The following NFATC3 variants were observed in gnomAD, a reference collection of about 807,000 sequenced individuals.
NFATC3 encodes nuclear factor of activated T cells 3, also known as nuclear factor of activated T-cells, cytoplasmic 3.
NFATC3 carries 46 observed loss-of-function variants against 98.6 expected under a neutral mutation model. That is an observed-to-expected ratio of 0.47 (90% CI 0.37 to 0.60). The LOEUF is 0.60. Ranked by LOEUF, NFATC3 falls within the 20% of genes least tolerant of loss-of-function variation. NFATC3 has a pLI of 0.00. For synonymous variants in NFATC3, 512 were observed against 472.2 expected (o/e 1.08, Z -1.09); for missense variants, 1,256 against 1,295.5 (o/e 0.97, Z 0.47).
chr16:68,185,862 C>CAAAAAAAAAAAA (rs764335192), intron 8 of NFATC3, among the ~76,000 whole-genome samples: 1 of 49,358 alleles, frequency 2.0e-5, no homozygotes, highest in African/African-American at 6.6e-5. Context: ...GACTCCGTCT[C>CAAAAAAAAAAAA]AAAAAAAAAA....
At chr16:68,160,810 A>G (rs558134565) in intron 4 of NFATC3, among the ~76,000 whole-genome samples, 1 of 152,028 alleles carries the variant, frequency 6.6e-6, no homozygotes, top group African/African-American at 2.4e-5. Flanking sequence ...TCAGCCACCC[A>G]AGTAGCTGAG....
chr16:68,086,742 T>C lies in NFATC3; in HGVS notation c.103+958T>C, dbSNP rs190306935. 1.7e-3 allele frequency: 1,677 copies of C among 985,474 alleles called. 2 individuals carry two copies. Among genetic ancestry groups the C allele is most frequent in the Non-Finnish European group, 1.7e-3 (1,449 of 829,938 alleles). 61.0% of individuals were successfully genotyped at this position (985,474 alleles called of 1,614,324 possible). On this transcript the variant is annotated intron_variant, in intron 1 of 9. Coordinates refer to ENST00000346183, the MANE Select transcript of NFATC3 (RefSeq NM_173165.3). ...ATGTTTGATGTTCAGTAGACTGTTC[T>C]GTAGAGTTGCATTGAAAAAACATAC...
chr16:68,192,663 A>G (rs1464834562), intron 9 of NFATC3, among the ~76,000 whole-genome samples: 1 of 152,078 alleles, frequency 6.6e-6, no homozygotes, highest in Non-Finnish European at 1.5e-5. Context: ...CTTCAAGACC[A>G]GCCTGAGCAA....
intron 5 of NFATC3, among the ~76,000 whole-genome samples, chr16:68,168,413 T>C (rs1244122839): frequency 6.6e-6 from 1 of 150,716 alleles, no homozygotes; most frequent in Non-Finnish European, 1.5e-5. Context: ...TCTGCCCACC[T>C]CAGCCTCCCA....
chr16:68,179,388 A>G (rs2039861727), intron 6 of NFATC3, among the ~76,000 whole-genome samples: 1 of 152,218 alleles, frequency 6.6e-6, no homozygotes, highest in African/African-American at 2.4e-5. Context: ...GCACATAAGG[A>G]TCCAGCAAAT....
intron 7 of NFATC3, among the ~76,000 whole-genome samples, chr16:68,182,646 G>A (rs2039998079): frequency 6.6e-6 from 1 of 151,838 alleles, no homozygotes; most frequent in Non-Finnish European, 1.5e-5. Flanking sequence ...TCAGACTCCT[G>A]AGTAGCTGGG....
intron 2 of NFATC3, among the ~76,000 whole-genome samples, chr16:68,124,595 C>T (rs374915685): frequency 8.6e-5 from 13 of 151,648 alleles, no homozygotes; most frequent in African/African-American, 1.7e-4. Flanking sequence ...GCACCACGCC[C>T]GGCTAATTTT....
chr16:68,126,648 C>A, intron 3 of NFATC3, 38 bp downstream of exon 3: 2 of 1,604,184 alleles, frequency 1.2e-6, no homozygotes, highest in Non-Finnish European at 8.5e-7. Context: ...AGATACCATA[C>A]ACCTAGTGAT....
At chr16:68,093,414 A>G (rs2034835036) in intron 1 of NFATC3, among the ~76,000 whole-genome samples, 1 of 152,076 alleles carries the variant, frequency 6.6e-6, no homozygotes, top group African/African-American at 2.4e-5. Flanking sequence ...TTAATATCAA[A>G]ACAGAGACCC....
intron 1 of NFATC3, among the ~76,000 whole-genome samples, chr16:68,111,691 C>T (rs542565044): frequency 3.9e-5 from 6 of 152,140 alleles, no homozygotes; most frequent in South Asian, 4.2e-4. Flanking sequence ...ATTTTGCAGA[C>T]GTGTTAATGT....
chr16:68,099,404 C>T (rs2035218752), intron 1 of NFATC3, among the ~76,000 whole-genome samples: 1 of 151,630 alleles, frequency 6.6e-6, no homozygotes, highest in African/African-American at 2.4e-5. Flanking sequence ...CACTGCATTC[C>T]AGCCTGGGCG....
Position 68,122,554 on chromosome 16 carries a change from C to T in NFATC3, c.671C>T (p.Thr224Ile). 6.2e-7 allele frequency: 1 copy of T among 1,614,132 alleles called. No homozygotes were observed. The highest frequency in any genetic ancestry group is 8.5e-7 in the Non-Finnish European group (1 of 1,180,018). Residue 224 changes from threonine (T) to isoleucine (I), a missense_variant, in exon 2 of 10, where the codon ACT becomes ATT. Physicochemically the swap from Thr to Ile is moderately conservative, Grantham distance 89. Transcript: ENST00000346183. ...GSPGGCPGEETWHQQYGLGHS... is the reference protein window; with the variant it reads ...GSPGGCPGEEIWHQQYGLGHS... ...CCAGGGGGCTGCCCTGGAGAAGAAA[C>T]TTGGCATCAACAGTATGGACTTGGA...
intron 3 of NFATC3, among the ~76,000 whole-genome samples, chr16:68,156,207 C>T (rs754089364): frequency 5.3e-5 from 8 of 152,074 alleles, no homozygotes; most frequent in South Asian, 2.1e-4. Context: ...CCCAGCTTCT[C>T]GGGAGGCTGA....
rs187965297 is a variant in NFATC3, at chr16:68,089,708, T to C, written c.103+3924T>C. ...ATAGGTACATGTTTAATGTATTCCA[T>C]TAACATTGTTTGCCATTATAAAGGG... is the stretch of plus-strand genomic sequence containing the variant. On this transcript the variant is annotated intron_variant, in intron 1 of 9. Transcript: ENST00000346183. Among the ~76,000 whole-genome samples the C allele has an allele frequency of 2.0e-4, 30 of 152,334 alleles. No individual in the cohort carries two copies. In the East Asian group the frequency reaches 5.4e-3, roughly 27 times the overall value.
At chr16:68,099,542 A>G (rs1022763527) in intron 1 of NFATC3, among the ~76,000 whole-genome samples, 9 of 151,820 alleles carry the variant, frequency 5.9e-5, no homozygotes, top group African/African-American at 2.2e-4. Context: ...CGAGGGTTGC[A>G]GTGAGCTGAG....
chr16:68,218,818 C>G (rs1001814042), intron 9 of NFATC3, among the ~76,000 whole-genome samples: 1 of 151,396 alleles, frequency 6.6e-6, no homozygotes, highest in Non-Finnish European at 1.5e-5. Context: ...ATGATCCGCC[C>G]GCCTCGGCCT....
chr16:68,166,791 T>C (rs762592761), intron 4 of NFATC3, 52 bp from the exon 5 acceptor site: 43 of 1,431,684 alleles, frequency 3.0e-5, no homozygotes, highest in South Asian at 2.8e-4. Flanking sequence ...TTGAGTTGTT[T>C]ATAACCATGA....
In NFATC3 at chr16:68,126,623, T is replaced by G; in HGVS notation, c.1401+13T>G. 6.2e-7 allele frequency: 1 copy of G among 1,613,686 alleles called. No homozygotes were observed. The highest frequency in any genetic ancestry group is 2.2e-5 in the East Asian group (1 of 44,874). On this transcript the variant is annotated intron_variant, in intron 3 of 9. Coordinates refer to ENST00000346183, the MANE Select transcript of NFATC3 (RefSeq NM_173165.3). ...TCCTGTTGTGAAGGTATGAGACTTT[T>G]GGGGCTTGTTTTGCAGATACCATAC...
intron 3 of NFATC3, among the ~76,000 whole-genome samples, chr16:68,156,363 G>T (rs1483186414): frequency 6.6e-6 from 1 of 152,050 alleles, no homozygotes; most frequent in South Asian, 2.1e-4. Flanking sequence ...TAATGATGGG[G>T]ACAAAGATAC....
Sources: gnomAD v4.1 joint callset for allele counts (sites outside exome capture counted in the v4.1 genomes callset) on GRCh38, gnomAD v4.1.1 for gene constraint, MANE v1.5 for transcripts, NCBI Gene and HGNC (gene_info 2026-07-23, HGNC 2026-07-21) for gene names.